BOP1: variants seen among roughly 807,000 people sequenced by gnomAD.
BOP1 encodes ribosome biogenesis protein BOP1.
Under a neutral mutation model 82.9 loss-of-function variants are expected in BOP1, and 54 were observed. The ratio of observed to expected loss-of-function variants is 0.65; its 90% CI spans 0.52 to 0.82. The LOEUF (loss-of-function observed/expected upper bound fraction) is 0.82. BOP1 is among the 40% of genes least tolerant of loss of function. BOP1 has a pLI of 0.00. For synonymous variants in BOP1, 566 were observed against 451.1 expected (o/e 1.25, Z -3.23); for missense variants, 1,170 against 1,072.0 (o/e 1.09, Z -1.28).
rs1457655175 is a variant in BOP1 at position 144,264,931 on chromosome 8, G to A, written c.531C>T (p.Asp177=). The A allele has an allele frequency of 3.8e-5, 61 of 1,611,176 alleles. No individual in the cohort carries two copies. The highest frequency in any genetic ancestry group is 1.1e-4 in the East Asian group (5 of 44,776). The change falls in exon 4 of 16, where the codon GAC becomes GAT. Residue 177 remains aspartate, a synonymous_variant. Transcript: ENST00000569669. The part of the protein sequence containing the change: ...DELDQFLDKM[D]DPDYWRTVQD... ...CCAGCCCTCACCAGTAGTCAGGATC[G>A]TCCATCTTGTCCAGGAACTGGTCCA... is the stretch of plus-strand genomic sequence containing the variant.
intron 1 of BOP1, among the ~76,000 whole-genome samples, chr8:144,290,113 C>G (rs1554839960): frequency 1.3e-5 from 2 of 152,188 alleles, no homozygotes; most frequent in Non-Finnish European, 1.5e-5. Flanking sequence ...AATCCCAACA[C>G]TTTGGGAGGC....
At chr8:144,289,577 ACCT>A (rs1554839887) in intron 1 of BOP1, among the ~76,000 whole-genome samples, 2 of 152,018 alleles carry the variant, frequency 1.3e-5, no homozygotes, top group Admixed American at 6.5e-5. Flanking sequence ...TTCAAGGACA[ACCT>A]CCTCCTCTTG....
In BOP1 at chr8:144,263,750, G is replaced by A; in HGVS notation, c.1233C>T (p.Gly411=). The part of the protein sequence containing the change: ...FPTCQALVYR[G]HSDLVRCLSV... ...TGAGGCACCGGACAAGGTCACTGTG[G>A]CCCCTGTAGACCTGAGGAGGCGGCG... The change falls in exon 10 of 16, where the codon GGC becomes GGT. Residue 411 remains glycine, a synonymous_variant. Transcript: ENST00000569669. The A allele has an allele frequency of 1.3e-6, 2 of 1,581,920 alleles. No homozygotes were observed. The highest frequency in any genetic ancestry group is 1.1e-5 in the South Asian group (1 of 87,442).
At position 144,289,094 on chromosome 8, in the gene BOP1, C is replaced by A. The variant is rs1554839791; in HGVS notation, c.309+1G>T. ...CTCGAGGGGGCTCCTCGCTCACCCA[C>A]CTGCACCTGCTCCTCAGTGGTCTTT... On this transcript the variant is annotated splice_donor_variant, in intron 2 of 15. Coordinates refer to ENST00000569669, the MANE Select transcript of BOP1 (RefSeq NM_015201.5). LOFTEE classifies it high-confidence loss of function. The A allele has an allele frequency of 7.4e-6, 12 of 1,614,116 alleles. No homozygotes were observed. Among genetic ancestry groups the A allele is most frequent in the Admixed American group, 3.3e-5 (2 of 60,032 alleles).
intron 3 of BOP1, among the ~76,000 whole-genome samples, chr8:144,270,413 C>T (rs1588594971): frequency 6.6e-6 from 1 of 152,132 alleles, no homozygotes; most frequent in African/African-American, 2.4e-5. Flanking sequence ...CTGAAAGGAT[C>T]CCCAGGGCCC....
intron 3 of BOP1, among the ~76,000 whole-genome samples, chr8:144,273,339 G>A (rs1588597318): frequency 6.6e-6 from 1 of 151,122 alleles, no homozygotes; most frequent in African/African-American, 2.4e-5. Flanking sequence ...GCCCAGGCAG[G>A]GTCAGGGGCA....
intron 2 of BOP1, among the ~76,000 whole-genome samples, chr8:144,281,203 C>A (rs1310067567): frequency 4.4e-5 from 1 of 22,556 alleles, no homozygotes; most frequent in African/African-American, 9.7e-5. Flanking sequence ...CTTTGGCCTT[C>A]TCTCAGTTTA....
Position 144,267,595 on chromosome 8 carries a change from G to A in BOP1, c.391-2524C>T, listed in dbSNP as rs1055208812. Among the ~76,000 whole-genome samples, 9 of 152,254 alleles carry A rather than the reference G, an allele frequency of 5.9e-5. 1 individual carries two copies. The highest frequency in any genetic ancestry group is 1.4e-4 in the African/African-American group (6 of 41,472). ...AGGACCCCGGGTTCTTAGCCCCTGC[G>A]GCCCAGCACTGGCTTAAGCCATCTT... is the stretch of plus-strand genomic sequence containing the variant. On this transcript the variant is annotated intron_variant, in intron 3 of 15. Transcript: ENST00000569669.
At chr8:144,282,936 C>A (rs539796701) in intron 2 of BOP1, among the ~76,000 whole-genome samples, 22 of 151,986 alleles carry the variant, frequency 1.4e-4, no homozygotes, top group South Asian at 6.2e-4. Flanking sequence ...CGCCTGTAAT[C>A]CCAGCACTTT....
At position 144,265,048 on chromosome 8, in the gene BOP1, G is replaced by A. The variant is rs1029138280; in HGVS notation, c.414C>T (p.Asn138=). ...DEEDIRNTVG[N]VPLEWYDDFP... ...AGTCATCGTACCACTCCAAGGGCACGTTGCCCACCGTGTTCCGGATGTCCT... is the reference window on the plus strand; with the variant it reads ...AGTCATCGTACCACTCCAAGGGCACATTGCCCACCGTGTTCCGGATGTCCT... Residue 138 remains asparagine, a synonymous_variant, in exon 4 of 16, where the codon AAC becomes AAT. Coordinates refer to ENST00000569669, the MANE Select transcript of BOP1 (RefSeq NM_015201.5). 4.3e-5 allele frequency: 70 copies of A among 1,611,274 alleles called. 1 individual carries two copies. The highest frequency in any genetic ancestry group is 7.7e-5 in the South Asian group (7 of 91,024).
intron 3 of BOP1, among the ~76,000 whole-genome samples, chr8:144,271,809 TCCGGCCCG>T (rs1845497174): frequency 1.3e-5 from 2 of 151,948 alleles, no homozygotes; most frequent in South Asian, 4.2e-4. Context: ...CGCCCTCAGC[TCCGGCCCG>T]GCTCCCGCCA....
intron 2 of BOP1, among the ~76,000 whole-genome samples, chr8:144,276,989 A>G (rs1323345777): frequency 6.6e-6 from 1 of 152,162 alleles, no homozygotes; most frequent in African/African-American, 2.4e-5. Flanking sequence ...GAGAATTCAC[A>G]TCCCAACCTG....
intron 2 of BOP1, among the ~76,000 whole-genome samples, chr8:144,283,831 T>C (rs1049355490): frequency 2.0e-4 from 31 of 152,254 alleles, no homozygotes; most frequent in Admixed American, 3.9e-4. Context: ...ATTAAATGCA[T>C]TGATGGCCAG....
intron 3 of BOP1, among the ~76,000 whole-genome samples, chr8:144,272,158 C>T (rs1845502586): frequency 6.6e-6 from 1 of 152,048 alleles, no homozygotes; most frequent in South Asian, 2.1e-4. Context: ...GGCATGACAC[C>T]CCAAACACCC....
intron 2 of BOP1, chr8:144,282,051 A>C (rs1554838999): frequency 6.6e-6 from 1 of 152,230 alleles, no homozygotes; most frequent in African/African-American, 2.4e-5. Context: ...GAGCGCACGG[A>C]CCCCACAGAT....
At position 144,276,263 on chromosome 8, in the gene BOP1, C is replaced by T. The variant is rs2130239446; in HGVS notation, c.351G>A (p.Arg117=). ...PCPRTEMASA[R]IGDEYAEDSS... ...TGTCCTCCGCATACTCATCCCCAAT[C>T]CGGGCGCTCGCCATCTCTGTCCTCG... Residue 117 remains arginine (R), a synonymous_variant, in exon 3 of 16, where the codon CGG becomes CGA. Transcript: ENST00000569669. The T allele has an allele frequency of 4.3e-6, 7 of 1,613,692 alleles. No homozygotes were observed. In the South Asian group the frequency reaches 6.6e-5, roughly 15 times the overall value.
intron 2 of BOP1, among the ~76,000 whole-genome samples, chr8:144,286,567 A>G (rs1295307317): frequency 1.4e-5 from 2 of 142,196 alleles, no homozygotes; most frequent in East Asian, 4.1e-4. Flanking sequence ...CAGCTAAAGC[A>G]CAGGACACGC....
intron 1 of BOP1, among the ~76,000 whole-genome samples, chr8:144,290,563 G>A (rs1028038443): frequency 1.3e-5 from 2 of 152,236 alleles, no homozygotes; most frequent in East Asian, 3.8e-4. Flanking sequence ...ACAATAACTA[G>A]TGGAAATGGC....
intron 2 of BOP1, among the ~76,000 whole-genome samples, chr8:144,281,144 T>C (rs1477209002): frequency 0.83 from 6,972 of 8,434 alleles, 3,012 homozygotes; most frequent in Middle Eastern, 1. Context: ...TTAGGCCTTC[T>C]CTCAGTTTAA....
Sources: gnomAD v4.1 joint callset for allele counts (sites outside exome capture counted in the v4.1 genomes callset) on GRCh38, gnomAD v4.1.1 for gene constraint, MANE v1.5 for transcripts, NCBI Gene and HGNC (gene_info 2026-07-23, HGNC 2026-07-21) for gene names.